Variants in SH3RF3 observed in about 807,000 individuals in gnomAD.
The protein encoded by SH3RF3 is SH3 domain containing ring finger 3, also known as E3 ubiquitin-protein ligase SH3RF3.
Under a neutral mutation model 66.3 loss-of-function variants are expected in SH3RF3, and 29 were observed. The ratio of observed to expected loss-of-function variants is 0.44; its 90% CI spans 0.33 to 0.60. SH3RF3 has a LOEUF of 0.60. SH3RF3 is among the 20% of genes least tolerant of loss of function. The pLI, the probability that SH3RF3 is intolerant of heterozygous loss-of-function variation, is 0.04. For synonymous variants in SH3RF3, 583 were observed against 532.0 expected, an observed-to-expected ratio of 1.10 and a Z score of -1.32; for missense variants, 1,194 against 1,190.9, an observed-to-expected ratio of 1.00 and a Z score of -0.04.
At chr2:109,158,738 T>C (rs1223293319) in intron 1 of SH3RF3, among the ~76,000 whole-genome samples, 1 of 152,234 alleles carries the variant, frequency 6.6e-6, no homozygotes, top group Non-Finnish European at 1.5e-5. Flanking sequence ...TTTTAACACA[T>C]ATTCTGGAAG....
intron 2 of SH3RF3, among the ~76,000 whole-genome samples, chr2:109,359,401 G>C (rs1295375287): frequency 6.6e-6 from 1 of 151,788 alleles, no homozygotes; most frequent in Admixed American, 6.6e-5. Context: ...TCCTATCCAT[G>C]AACATGAAAT....
At chr2:109,197,151 G>C (rs1333756020) in intron 1 of SH3RF3, among the ~76,000 whole-genome samples, 1 of 152,206 alleles carries the variant, frequency 6.6e-6, no homozygotes, top group African/African-American at 2.4e-5. Flanking sequence ...TGGCTCCTGA[G>C]CTCCTGCTGC....
chr2:109,438,945 A>G (rs892813558), intron 7 of SH3RF3, among the ~76,000 whole-genome samples: 2 of 152,174 alleles, frequency 1.3e-5, no homozygotes, highest in African/African-American at 2.4e-5. Context: ...CACATGCACC[A>G]GCACTAGAAA....
At chr2:109,494,772 G>C (rs924302590) in intron 9 of SH3RF3, among the ~76,000 whole-genome samples, 1 of 152,202 alleles carries the variant, frequency 6.6e-6, no homozygotes, top group African/African-American at 2.4e-5. Flanking sequence ...AATGGGCAGT[G>C]TTGCTGCCTG....
chr2:109,491,258 C>T (rs544305927), intron 9 of SH3RF3, among the ~76,000 whole-genome samples: 28 of 152,308 alleles, frequency 1.8e-4, no homozygotes, highest in African/African-American at 5.8e-4. Context: ...TCTGTGCCCC[C>T]TCAACCCTGG....
intron 5 of SH3RF3, among the ~76,000 whole-genome samples, chr2:109,419,948 T>C (rs1676827645): frequency 6.6e-6 from 1 of 152,134 alleles, no homozygotes; most frequent in Non-Finnish European, 1.5e-5. Context: ...CTCCATAGCA[T>C]GGAAGGTCCG....
intron 2 of SH3RF3, among the ~76,000 whole-genome samples, chr2:109,350,914 A>T (rs1384837243): frequency 6.6e-6 from 1 of 152,246 alleles, no homozygotes; most frequent in Non-Finnish European, 1.5e-5. Flanking sequence ...ACCTGCCTTT[A>T]TACAGCATCA....
intron 1 of SH3RF3, among the ~76,000 whole-genome samples, chr2:109,222,898 A>G (rs1336123677): frequency 6.6e-6 from 1 of 152,244 alleles, no homozygotes; most frequent in Admixed American, 6.5e-5. Context: ...CGTGTATCCC[A>G]CATGGGGACT....
chr2:109,350,743 T>A (rs1682819599), intron 2 of SH3RF3, among the ~76,000 whole-genome samples: 1 of 152,198 alleles, frequency 6.6e-6, no homozygotes, highest in Non-Finnish European at 1.5e-5. Context: ...ACAACCTCCA[T>A]GTGAATCAGA....
intron 3 of SH3RF3, among the ~76,000 whole-genome samples, chr2:109,373,592 G>GCAGA (rs145375660): frequency 0.13 from 19,660 of 152,062 alleles, 1,400 homozygotes; most frequent in Middle Eastern, 0.24. Flanking sequence ...AGGTTCAAAA[G>GCAGA]CAGACAGAAC....
chr2:109,352,812 C>T (rs1213531867), intron 2 of SH3RF3, among the ~76,000 whole-genome samples: 1 of 152,238 alleles, frequency 6.6e-6, no homozygotes, highest in Non-Finnish European at 1.5e-5. Flanking sequence ...GAGCAGAGCA[C>T]CCTCTTAGCC....
At chr2:109,492,096 C>T (rs1459754705) in intron 9 of SH3RF3, among the ~76,000 whole-genome samples, 1 of 152,248 alleles carries the variant, frequency 6.6e-6, no homozygotes, top group Non-Finnish European at 1.5e-5. Context: ...CCTCTGCCTT[C>T]ACGGTGGAAG....
intron 9 of SH3RF3, among the ~76,000 whole-genome samples, chr2:109,495,307 C>G (rs1375300597): frequency 1.3e-5 from 2 of 152,124 alleles, no homozygotes; most frequent in African/African-American, 4.8e-5. Flanking sequence ...CTGGTCTGTT[C>G]TGGTGCAGGG....
intron 1 of SH3RF3, among the ~76,000 whole-genome samples, chr2:109,287,846 A>G (rs769472926): frequency 4.2e-4 from 64 of 152,084 alleles, no homozygotes; most frequent in Non-Finnish European, 8.1e-4. Context: ...CAGTTTCCTA[A>G]ACCCCACTCA....
At chr2:109,404,071 C>G (rs550669806) in intron 4 of SH3RF3, among the ~76,000 whole-genome samples, 242 of 152,272 alleles carry the variant, frequency 1.6e-3, no homozygotes, top group African/African-American at 5.7e-3. Context: ...TCCAGGAGCC[C>G]ATCTCTGGCT....
chr2:109,304,463 G>T (rs998505347), intron 1 of SH3RF3, among the ~76,000 whole-genome samples: 4 of 151,958 alleles, frequency 2.6e-5, no homozygotes, highest in Admixed American at 1.3e-4. Context: ...GTCTGCTAGG[G>T]GTTCCTTGTT....
chr2:109,236,669 A>C (rs1679656742), intron 1 of SH3RF3, among the ~76,000 whole-genome samples: 1 of 152,202 alleles, frequency 6.6e-6, no homozygotes, highest in Admixed American at 6.5e-5. Flanking sequence ...AAGACGCCTA[A>C]AGGTCAAGGT....
At chr2:109,231,117 T>G (rs1238705383) in intron 1 of SH3RF3, among the ~76,000 whole-genome samples, 1 of 152,270 alleles carries the variant, frequency 6.6e-6, no homozygotes, top group Non-Finnish European at 1.5e-5. Flanking sequence ...CTTAGGTGGC[T>G]TGCCTAGCAT....
chr2:109,307,089 A>G (rs917319150), intron 1 of SH3RF3, among the ~76,000 whole-genome samples: 3 of 152,216 alleles, frequency 2.0e-5, no homozygotes, highest in Non-Finnish European at 4.4e-5. Context: ...TAATCAACAG[A>G]CATTCTTTAT....
Sources: gnomAD v4.1 joint callset for allele counts (sites outside exome capture counted in the v4.1 genomes callset) on GRCh38, gnomAD v4.1.1 for gene constraint, MANE v1.5 for transcripts, NCBI Gene and HGNC (gene_info 2026-07-23, HGNC 2026-07-21) for gene names.